FASTKD5: variants seen among roughly 807,000 people sequenced by gnomAD.
The protein encoded by FASTKD5 is non-canonical pre-mRNAs endonuclease FASTKD5, mitochondrial.
Under a neutral mutation model 44.0 loss-of-function variants are expected in FASTKD5, and 30 were observed. The observed-to-expected ratio is 0.68, with a 90% CI of 0.51 to 0.93. The LOEUF is 0.93. Among genes scored for constraint, FASTKD5 ranks in the 40% least tolerant of loss-of-function variants. The probability of loss-of-function intolerance (pLI) is 0.00; values close to 1 mark genes in which losing one functional copy is unlikely to be tolerated. For synonymous variants in FASTKD5, 335 were observed against 342.2 expected (o/e 0.98, Z 0.23); for missense variants, 868 against 908.2 (o/e 0.96, Z 0.57).
Position 3,146,976 on chromosome 20 carries a change from C to A in FASTKD5, c.2095G>T (p.Val699Phe), listed in dbSNP as rs374794600. 21 of 1,614,082 alleles carry A rather than the reference C, an allele frequency of 1.3e-5. No homozygotes were observed. In the African/African-American group the frequency reaches 2.1e-4, roughly 16 times the overall value. ...CMQTPRMKLA[V>F]QFTNRNQYCY... ...TACTGGTTCCTGTTTGTGAACTGAA[C>A]AGCCAGCTTCATTCTTGGGGTCTGC... The change falls in exon 2 of 2, where the codon GTT becomes TTT. Residue 699 changes from valine (V) to phenylalanine (F), a missense_variant. Physicochemically the swap from Val to Phe is conservative, Grantham distance 50 (BLOSUM62 -1). Transcript: ENST00000380266.
At position 3,147,578 on chromosome 20, in the gene FASTKD5, A is replaced by G. The variant is rs1320156835; in HGVS notation, c.1493T>C (p.Phe498Ser). 6.2e-7 allele frequency: 1 copy of G among 1,614,178 alleles called. No individual in the cohort carries two copies. Among genetic ancestry groups the G allele is most frequent in the East Asian group, 2.2e-5 (1 of 44,880 alleles). The change falls in exon 2 of 2, where the codon TTT (phenylalanine) becomes TCT (serine). Residue 498 changes from phenylalanine (F) to serine (S), a missense_variant. By Grantham distance (155) the Phe-to-Ser change is radical (BLOSUM62 -2). Transcript: ENST00000380266. Reference sequence around the variant, plus strand: ...AGTTCTCTCCTGAGCTAACCTGACAAACCCTGGACTGAGAGCGAAATCAAT... The same window carrying G: ...AGTTCTCTCCTGAGCTAACCTGACAGACCCTGGACTGAGAGCGAAATCAAT... ...ELIDFALSPGFVRLAQERTKF... is the reference protein window; with the variant it reads ...ELIDFALSPGSVRLAQERTKF...
At chr20:3,155,517 C>T (rs555471507) in intron 1 of FASTKD5, among the ~76,000 whole-genome samples, 3 of 151,358 alleles carry the variant, frequency 2.0e-5, no homozygotes, top group Admixed American at 6.6e-5. Context: ...GGCAACAGAG[C>T]GAAACTCCAT....
chr20:3,148,625 T>G lies in FASTKD5; in HGVS notation c.446A>C (p.His149Pro). 2 of 1,614,218 alleles carry G rather than the reference T, an allele frequency of 1.2e-6. No individual in the cohort carries two copies. The highest frequency in any genetic ancestry group is 1.7e-6 in the Non-Finnish European group (2 of 1,180,044). ...ATTATTTTGATTAACTCTGACTTTG[T>G]GCAAAATTAGTTCACCTTCTGAAAC... ...LSVSEGELIL[H>P]KVRVNQNNLQ... The change falls in exon 2 of 2, where the codon CAC (histidine) becomes CCC (proline). Residue 149 changes from histidine to proline, a missense_variant. Coordinates refer to ENST00000380266, the MANE Select transcript of FASTKD5 (RefSeq NM_021826.5).
At position 3,148,766 on chromosome 20, in the gene FASTKD5, T is replaced by G; in HGVS notation, c.305A>C (p.Asp102Ala). Residue 102 changes from aspartate to alanine, a missense_variant, in exon 2 of 2, where the codon GAT becomes GCT. Transcript: ENST00000380266. ...QLGSPRATGVDEEDVEVFDSF... is the reference protein window; with the variant it reads ...QLGSPRATGVAEEDVEVFDSF... Reference sequence around the variant, plus strand: ...ATCAAACACTTCTACGTCCTCTTCATCAACTCCTGTGGCCCTGGGTGAGCC... The same window carrying G: ...ATCAAACACTTCTACGTCCTCTTCAGCAACTCCTGTGGCCCTGGGTGAGCC... The G allele has an allele frequency of 6.2e-7, 1 of 1,614,246 alleles. No homozygotes were observed. The highest frequency in any genetic ancestry group is 2.2e-5 in the East Asian group (1 of 44,894).
At chr20:3,151,058 G>T (rs933915192) in intron 1 of FASTKD5, among the ~76,000 whole-genome samples, 18 of 150,796 alleles carry the variant, frequency 1.2e-4, no homozygotes, top group Non-Finnish European at 2.5e-4. Flanking sequence ...GTGTGTGTTT[G>T]TGTGTGTGTT....
chr20:3,157,951 A>G, intron 1 of FASTKD5, among the ~76,000 whole-genome samples: 1 of 150,518 alleles, frequency 6.6e-6, no homozygotes, highest in Non-Finnish European at 1.5e-5. Flanking sequence ...TCTGGAGGGC[A>G]GTGGTGCAAT....
At position 3,147,245 on chromosome 20, in the gene FASTKD5, G is replaced by C; in HGVS notation, c.1826C>G (p.Pro609Arg). Residue 609 changes from proline to arginine, a missense_variant, in exon 2 of 2, where the codon CCG becomes CGG. Physicochemically the swap from Pro to Arg is moderately radical, Grantham distance 103. Transcript: ENST00000380266. Reference protein sequence around the residue: ...KPLPFNREATPAENVAKLRLE... With the variant: ...KPLPFNREATRAENVAKLRLE... ...CCTTAATTTGGCTACATTTTCAGCC[G>C]GCGTGGCTTCTCTATTAAATGGTAA... 1 of 1,614,150 alleles carries C rather than the reference G, an allele frequency of 6.2e-7. No homozygotes were observed. Among genetic ancestry groups the C allele is most frequent in the Non-Finnish European group, 8.5e-7 (1 of 1,180,042 alleles).
chr20:3,152,961 A>T (rs1207702025), intron 1 of FASTKD5, among the ~76,000 whole-genome samples: 6 of 152,160 alleles, frequency 3.9e-5, no homozygotes, highest in African/African-American at 1.4e-4. Flanking sequence ...TTTTTTAAAT[A>T]AAATAGCTGT....
intron 1 of FASTKD5, among the ~76,000 whole-genome samples, chr20:3,151,109 C>T (rs952828027): frequency 2.6e-5 from 4 of 151,912 alleles, no homozygotes; most frequent in African/African-American, 9.7e-5. Flanking sequence ...CACAATGTTG[C>T]CAAGGCTGGT....
intron 1 of FASTKD5, among the ~76,000 whole-genome samples, chr20:3,155,359 G>A (rs1452894732): frequency 2.6e-5 from 4 of 152,132 alleles, no homozygotes; most frequent in East Asian, 1.9e-4. Context: ...GCGAAACCAC[G>A]TCTCTCCTAA....
intron 1 of FASTKD5, among the ~76,000 whole-genome samples, chr20:3,158,407 A>G (rs1054757674): frequency 2.0e-5 from 3 of 152,238 alleles, no homozygotes; most frequent in African/African-American, 7.2e-5. Context: ...TAACTGCCAA[A>G]GGCCTCACTT....
Position 3,146,743 on chromosome 20 carries a change from T to C in FASTKD5, c.*33A>G, listed in dbSNP as rs942126274. On this transcript the variant is annotated 3_prime_UTR_variant, in exon 2 of 2. Coordinates refer to ENST00000380266, the MANE Select transcript of FASTKD5 (RefSeq NM_021826.5). ...CAACACCTGGTACAGTATACACCTA[T>C]AGCTTTGCCATAGAAATGCCCCTAA... The C allele has an allele frequency of 2.8e-5, 45 of 1,595,082 alleles. No homozygotes were observed. The highest frequency in any genetic ancestry group is 8.1e-5 in the African/African-American group (6 of 74,524).
At position 3,148,326 on chromosome 20, in the gene FASTKD5, C is replaced by G. The variant is rs2066589984; in HGVS notation, c.745G>C (p.Asp249His). The stretch of plus-strand genomic sequence containing the variant: ...TTGCGGCCTAAGTACCTCCAGAGAT[C>G]AGCCACCAAAAGGAGCTGATCCATA... ...MNMDQLLLVA[D>H]LWRYLGRKVP... The change falls in exon 2 of 2, where the codon GAT becomes CAT. Residue 249 changes from aspartate (D) to histidine (H), a missense_variant. Transcript: ENST00000380266. 1.9e-6 allele frequency: 3 copies of G among 1,613,900 alleles called. No individual in the cohort carries two copies. Among genetic ancestry groups the G allele is most frequent in the Admixed American group, 1.7e-5 (1 of 59,990 alleles).
chr20:3,148,759 C>G lies in FASTKD5; in HGVS notation c.312G>C (p.Glu104Asp). 6.2e-7 allele frequency: 1 copy of G among 1,614,238 alleles called. No homozygotes were observed. The highest frequency in any genetic ancestry group is 8.5e-7 in the Non-Finnish European group (1 of 1,180,046). ...GSPRATGVDEEDVEVFDSFEN... is the reference protein window; with the variant it reads ...GSPRATGVDEDDVEVFDSFEN... ...CAAAGGAATCAAACACTTCTACGTC[C>G]TCTTCATCAACTCCTGTGGCCCTGG... The change falls in exon 2 of 2, where the codon GAG (glutamate) becomes GAC (aspartate). Residue 104 changes from glutamate (E) to aspartate (D), a missense_variant. Glu to Asp is a conservative substitution (Grantham distance 45). Transcript: ENST00000380266.
intron 1 of FASTKD5, among the ~76,000 whole-genome samples, chr20:3,151,559 A>C (rs1234354621): frequency 6.6e-6 from 1 of 152,176 alleles, no homozygotes; most frequent in Non-Finnish European, 1.5e-5. Flanking sequence ...AAGCTGAGGC[A>C]GAAGGATTGC....
chr20:3,148,434 A>C lies in FASTKD5; in HGVS notation c.637T>G (p.Phe213Val). The change falls in exon 2 of 2, where the codon TTT becomes GTT. Residue 213 changes from phenylalanine (F) to valine (V), a missense_variant. Physicochemically the swap from Phe to Val is conservative, Grantham distance 50 (BLOSUM62 -1). Transcript: ENST00000380266. The stretch of plus-strand genomic sequence containing the variant: ...GAGTGAGGGATTCCTAAAATGACAA[A>C]AGCTTTCAAAACATTGATCAGATCT... ...TQDLINVLKA[F>V]VILGIPHSHS... 1.9e-6 allele frequency: 3 copies of C among 1,614,118 alleles called. No individual in the cohort carries two copies. The highest frequency in any genetic ancestry group is 1.1e-5 in the South Asian group (1 of 91,086).
intron 1 of FASTKD5, among the ~76,000 whole-genome samples, chr20:3,159,538 AG>A (rs1426964261): frequency 6.6e-6 from 1 of 152,258 alleles, no homozygotes; most frequent in Non-Finnish European, 1.5e-5. Flanking sequence ...GGGTCAGATA[AG>A]CCCCCTGCCA....
Position 3,147,524 on chromosome 20 carries a change from G to A in FASTKD5, c.1547C>T (p.Thr516Ile). The A allele has an allele frequency of 6.2e-7, 1 of 1,614,158 alleles. No homozygotes were observed. Among genetic ancestry groups the A allele is most frequent in the Non-Finnish European group, 8.5e-7 (1 of 1,180,024 alleles). Residue 516 changes from threonine (T) to isoleucine (I), a missense_variant, in exon 2 of 2, where the codon ACC becomes ATC. By Grantham distance (89) the Thr-to-Ile change is moderately conservative (BLOSUM62 -1). Transcript: ENST00000380266. Reference protein sequence around the residue: ...TKFDLLKELYTLDGTVGIECP... With the variant: ...TKFDLLKELYILDGTVGIECP... The stretch of plus-strand genomic sequence containing the variant: ...CTCAATGCCAACTGTACCATCGAGG[G>A]TATATAGTTCCTTAAGGAGGTCAAA...
intron 1 of FASTKD5, among the ~76,000 whole-genome samples, chr20:3,158,817 G>C (rs1395781859): frequency 6.6e-6 from 1 of 152,200 alleles, no homozygotes; most frequent in Non-Finnish European, 1.5e-5. Flanking sequence ...ACTATCCAAG[G>C]ACTTGCCCAG....
Sources: allele counts gnomAD v4.1 joint callset (sites outside exome capture counted in the v4.1 genomes callset), GRCh38; gene constraint gnomAD v4.1.1; transcripts MANE v1.5; gene names NCBI Gene and HGNC (gene_info 2026-07-23, HGNC 2026-07-21).